Variants in PTPN13 observed in about 807,000 individuals in gnomAD.
PTPN13 encodes the protein tyrosine-protein phosphatase non-receptor type 13.
Under a neutral mutation model 284.0 loss-of-function variants are expected in PTPN13, and 191 were observed. That is an observed-to-expected ratio of 0.67 (90% CI 0.60 to 0.76). The LOEUF (loss-of-function observed/expected upper bound fraction) is 0.76. Among genes scored for constraint, PTPN13 ranks in the 30% least tolerant of loss-of-function variants. PTPN13 has a pLI of 0.00. For synonymous variants in PTPN13, 986 were observed against 1,022.3 expected (o/e 0.96, Z 0.68); for missense variants, 2,797 against 2,939.9 (o/e 0.95, Z 1.12).
chr4:86,789,645 TC>T (rs1369295304), intron 40 of PTPN13, among the ~76,000 whole-genome samples: 1 of 152,042 alleles, frequency 6.6e-6, no homozygotes, highest in Non-Finnish European at 1.5e-5. Flanking sequence ...AAAATAACCT[TC>T]AAAGGGGCTG....
intron 2 of PTPN13, among the ~76,000 whole-genome samples, chr4:86,642,722 TG>T (rs1723956696): frequency 6.6e-6 from 1 of 152,150 alleles, no homozygotes; most frequent in South Asian, 2.1e-4. Flanking sequence ...CTCAAAGTGC[TG>T]GAATTACAGG....
chr4:86,701,462 C>G lies in PTPN13; in HGVS notation c.856C>G (p.Pro286Ala). The change falls in exon 7 of 48, where the codon CCC (proline) becomes GCC (alanine). Residue 286 changes from proline (P) to alanine (A), a missense_variant. Physicochemically the swap from Pro to Ala is conservative, Grantham distance 27 (BLOSUM62 -1). Coordinates refer to ENST00000411767, the MANE Select transcript of PTPN13 (RefSeq NM_080683.3). ...QFKTSGPEKK[P>A]IPGIDVLSKK... ...CAAAACTAGTGGCCCAGAAAAAAAA[C>G]CCATCCCTGGCATTGATGTGCTTTC... 1 of 1,613,670 alleles carries G rather than the reference C, an allele frequency of 6.2e-7. No homozygotes were observed. The highest frequency in any genetic ancestry group is 1.1e-5 in the South Asian group (1 of 91,070).
At chr4:86,637,004 C>T (rs892424301) in intron 2 of PTPN13, among the ~76,000 whole-genome samples, 4 of 151,958 alleles carry the variant, frequency 2.6e-5, no homozygotes, top group Non-Finnish European at 4.4e-5. Flanking sequence ...GATATCACCA[C>T]CGATCCCACA....
rs927727607 is a variant in PTPN13 at position 86,751,157 on chromosome 4, A to G, written c.3166+33A>G. 4.2e-6 allele frequency: 6 copies of G among 1,424,400 alleles called. 1 individual carries two copies. The Admixed American group carries it at 1.1e-4, about 25-fold the overall frequency. The allele number at this position is 1,424,400 out of a possible 1,614,324, so 88.2% of individuals were successfully genotyped here. ...AAAACAAGCTTACCTTCTTTGTCCC[A>G]TACCTCATGCTCAGAGGGAAGTGAA... On this transcript the variant is annotated intron_variant, in intron 19 of 47. Transcript: ENST00000411767.
chr4:86,735,743 A>G lies in PTPN13; in HGVS notation c.2301A>G (p.Leu767=), dbSNP rs748151647. 5 of 1,608,478 alleles carry G rather than the reference A, an allele frequency of 3.1e-6. No individual in the cohort carries two copies. In the Admixed American group the frequency reaches 8.5e-5, roughly 27 times the overall value. Residue 767 remains leucine (L), a synonymous_variant, in exon 15 of 48, where the codon TTA becomes TTG. Transcript: ENST00000411767. ...AAAAAGAGACAGAGTTAGAATTTTT[A>G]AAGGTAAGCATCCAAGATTACAAAT... is the stretch of plus-strand genomic sequence containing the variant. The part of the protein sequence containing the change: ...ASEKETELEF[L]KVCQRLTEYG...
chr4:86,742,212 G>A (rs759727637), intron 16 of PTPN13, among the ~76,000 whole-genome samples: 6 of 152,128 alleles, frequency 3.9e-5, no homozygotes, highest in East Asian at 1.9e-4. Flanking sequence ...AAACCCCCTC[G>A]TAGCAACTGT....
At chr4:86,775,751 A>ATATATT in intron 35 of PTPN13, 99 bp downstream of exon 35, 3 of 974,210 alleles carry the variant, frequency 3.1e-6, no homozygotes, top group Non-Finnish European at 4.5e-6. Flanking sequence ...TGAATTAGTA[A>ATATATT]TTCATAGACT....
chr4:86,762,315 AT>A, intron 23 of PTPN13, among the ~76,000 whole-genome samples: 1 of 152,170 alleles, frequency 6.6e-6, no homozygotes. Flanking sequence ...TATATAAGCA[AT>A]TTGGAGTTGC....
chr4:86,800,420 C>G (rs2149363575), intron 42 of PTPN13, among the ~76,000 whole-genome samples: 1 of 151,852 alleles, frequency 6.6e-6, no homozygotes, highest in East Asian at 1.9e-4. Flanking sequence ...TTTGGGAGGC[C>G]AAAGCAGGCT....
chr4:86,761,998 A>T (rs529085084), intron 23 of PTPN13, among the ~76,000 whole-genome samples: 6 of 152,232 alleles, frequency 3.9e-5, no homozygotes, highest in African/African-American at 9.6e-5. Flanking sequence ...TCTTTGAGAC[A>T]GTCTTGCCCT....
chr4:86,800,044 G>T (rs1327542281), intron 42 of PTPN13, among the ~76,000 whole-genome samples: 1 of 151,566 alleles, frequency 6.6e-6, no homozygotes, highest in African/African-American at 2.4e-5. Flanking sequence ...CACCATGTTG[G>T]CCAGGCTGGT....
Position 86,686,704 on chromosome 4 carries a change from T to C in PTPN13, c.295-6T>C, listed in dbSNP as rs1565323080. 1.3e-6 allele frequency: 2 copies of C among 1,531,768 alleles called. No individual in the cohort carries two copies. Among genetic ancestry groups the C allele is most frequent in the South Asian group, 2.5e-5 (2 of 81,296 alleles). The allele number at this position is 1,531,768 out of a possible 1,614,324, so 94.9% of individuals were successfully genotyped here. ...TAAAATTATTTCTTAAAAATTCTAT[T>C]CCTAGATCCACATTTATTCTCTTGG... On this transcript the variant is annotated splice_polypyrimidine_tract_variant and splice_region_variant and intron_variant, in intron 3 of 47. Coordinates refer to ENST00000411767, the MANE Select transcript of PTPN13 (RefSeq NM_080683.3).
At chr4:86,636,171 G>T (rs1486182171) in intron 2 of PTPN13, among the ~76,000 whole-genome samples, 1 of 152,098 alleles carries the variant, frequency 6.6e-6, no homozygotes, top group Non-Finnish European at 1.5e-5. Context: ...AACCAGGTGA[G>T]AGGGAGGGGA....
chr4:86,785,608 G>A (rs1374533904), intron 39 of PTPN13, among the ~76,000 whole-genome samples: 1 of 151,948 alleles, frequency 6.6e-6, no homozygotes, highest in Non-Finnish European at 1.5e-5. Context: ...TTTACTTCTA[G>A]TAGGGTTAGT....
At chr4:86,793,054 C>T (rs968207434) in intron 40 of PTPN13, among the ~76,000 whole-genome samples, 5 of 152,162 alleles carry the variant, frequency 3.3e-5, no homozygotes, top group African/African-American at 1.2e-4. Flanking sequence ...AATTAAAAGA[C>T]ACAGACTGGC....
At chr4:86,726,231 A>G (rs1291826179) in intron 10 of PTPN13, among the ~76,000 whole-genome samples, 1 of 149,550 alleles carries the variant, frequency 6.7e-6, no homozygotes, top group Non-Finnish European at 1.5e-5. Flanking sequence ...GACTTGTAGT[A>G]TAGTTTGAAG....
chr4:86,595,627 AT>A, intron 1 of PTPN13: 1 of 386,272 alleles, frequency 2.6e-6, no homozygotes, highest in Non-Finnish European at 3.5e-6. Context: ...GCCTTGTGTC[AT>A]TTTCATTTAA....
intron 17 of PTPN13, among the ~76,000 whole-genome samples, chr4:86,748,270 T>C (rs1024140181): frequency 1.3e-5 from 2 of 152,194 alleles, no homozygotes; most frequent in African/African-American, 4.8e-5. Context: ...CTAGCGAGCC[T>C]TTGTGTTCAA....
intron 36 of PTPN13, among the ~76,000 whole-genome samples, chr4:86,780,813 AT>A (rs1741214426): frequency 6.6e-6 from 1 of 152,246 alleles, no homozygotes; most frequent in Admixed American, 6.5e-5. Context: ...AAGCAAAAAA[AT>A]AATTAAAATA....
Sources: allele counts gnomAD v4.1 joint callset (sites outside exome capture counted in the v4.1 genomes callset), GRCh38; gene constraint gnomAD v4.1.1; transcripts MANE v1.5; gene names NCBI Gene and HGNC (gene_info 2026-07-23, HGNC 2026-07-21).